Variants in SMCHD1 observed in about 807,000 individuals in gnomAD.
The protein encoded by SMCHD1 is structural maintenance of chromosomes flexible hinge domain containing 1.
SMCHD1 carries 78 observed loss-of-function variants against 254.7 expected under a neutral mutation model. The ratio of observed to expected loss-of-function variants is 0.31; its 90% CI spans 0.26 to 0.37. The LOEUF (loss-of-function observed/expected upper bound fraction) is 0.37, where lower values mean the gene tolerates loss of function less well. SMCHD1 is among the 10% of genes least tolerant of loss of function. The probability of loss-of-function intolerance (pLI) is 1.00; values close to 1 mark genes in which losing one functional copy is unlikely to be tolerated. For synonymous variants in SMCHD1, 766 were observed against 794.9 expected, an observed-to-expected ratio of 0.96 and a Z score of 0.61; for missense variants, 1,840 against 2,408.1, an observed-to-expected ratio of 0.76 and a Z score of 4.94.
chr18:2,696,331 G>T (rs1481741560), intron 8 of SMCHD1, among the ~76,000 whole-genome samples: 3 of 152,174 alleles, frequency 2.0e-5, no homozygotes, highest in Non-Finnish European at 4.4e-5. Context: ...ACAGTGAGTG[G>T]TGGGCCCGAG....
At chr18:2,708,996 C>A (rs560575845) in intron 17 of SMCHD1, among the ~76,000 whole-genome samples, 35 of 143,240 alleles carry the variant, frequency 2.4e-4, no homozygotes, top group African/African-American at 8.0e-4. Flanking sequence ...AGCATTTTTT[C>A]ATCATTTCAA....
chr18:2,710,233 C>T (rs1232003910), intron 17 of SMCHD1, among the ~76,000 whole-genome samples: 1 of 152,218 alleles, frequency 6.6e-6, no homozygotes, highest in East Asian at 1.9e-4. Flanking sequence ...TCTGGGCTCC[C>T]TGTTCCCTAG....
chr18:2,770,411 A>G (rs2075956787), intron 39 of SMCHD1, among the ~76,000 whole-genome samples: 1 of 152,212 alleles, frequency 6.6e-6, no homozygotes, highest in Non-Finnish European at 1.5e-5. Flanking sequence ...AGCTTCTGGC[A>G]AAAGATACTG....
intron 12 of SMCHD1, 106 bp downstream of exon 12, chr18:2,701,024 C>T: frequency 1.2e-6 from 1 of 854,772 alleles, no homozygotes; most frequent in Non-Finnish European, 1.7e-6. Flanking sequence ...CATCAAAAGA[C>T]TATGATGTAT....
chr18:2,662,923 C>G (rs979427141), intron 1 of SMCHD1, among the ~76,000 whole-genome samples: 1 of 152,096 alleles, frequency 6.6e-6, no homozygotes, highest in African/African-American at 2.4e-5. Context: ...TTATGTTTGA[C>G]TTTTTTTCAG....
intron 19 of SMCHD1, among the ~76,000 whole-genome samples, chr18:2,719,618 T>C (rs1055272454): frequency 9.2e-5 from 14 of 151,592 alleles, no homozygotes; most frequent in African/African-American, 2.9e-4. Flanking sequence ...TTGGAGATAG[T>C]GTCTTCCTCT....
At chr18:2,731,960 A>G (rs1458864114) in intron 24 of SMCHD1, among the ~76,000 whole-genome samples, 1 of 152,182 alleles carries the variant, frequency 6.6e-6, no homozygotes, top group African/African-American at 2.4e-5. Context: ...GCAGTGAGCC[A>G]AGATCATGCC....
chr18:2,770,746 A>C (rs1032657174), intron 39 of SMCHD1, among the ~76,000 whole-genome samples: 2 of 151,902 alleles, frequency 1.3e-5, no homozygotes, highest in African/African-American at 4.8e-5. Flanking sequence ...TCAGCCTCCC[A>C]AGTAGCTAGG....
Position 2,743,869 on chromosome 18 carries a change from C to G in SMCHD1, c.3742C>G (p.Gln1248Glu). The G allele has an allele frequency of 6.2e-7, 1 of 1,613,176 alleles. No individual in the cohort carries two copies. The highest frequency in any genetic ancestry group is 8.5e-7 in the Non-Finnish European group (1 of 1,179,530). ...TGAGTTTTCTGACTTTATTCGAGTG[C>G]AACTAATTTCTGGACCTCCTGCTAA... ...WREFSDFIRV[Q>E]LISGPPAKLL... Residue 1248 changes from glutamine to glutamate, a missense_variant, in exon 29 of 48, where the codon CAA (glutamine) becomes GAA (glutamate). This residue lies in a region of SMCHD1 where 881 missense variants were observed against 1,009.5 expected (regional missense o/e 0.87). Coordinates refer to ENST00000320876, the MANE Select transcript of SMCHD1 (RefSeq NM_015295.3).
intron 3 of SMCHD1, among the ~76,000 whole-genome samples, chr18:2,671,126 G>A (rs2073587046): frequency 6.6e-6 from 1 of 151,424 alleles, no homozygotes; most frequent in African/African-American, 2.4e-5. Flanking sequence ...AGTAGAGATG[G>A]GGTTTCTCCA....
intron 42 of SMCHD1, among the ~76,000 whole-genome samples, chr18:2,777,069 C>CG (rs201358006): frequency 6.1e-5 from 9 of 148,556 alleles, no homozygotes; most frequent in South Asian, 4.6e-4. Context: ...ACCTCCCCCC[C>CG]CCATACCCTA....
chr18:2,745,363 A>C (rs1217699800), intron 29 of SMCHD1, among the ~76,000 whole-genome samples: 1 of 152,192 alleles, frequency 6.6e-6, no homozygotes, highest in Admixed American at 6.5e-5. Flanking sequence ...TCATGGTAGT[A>C]GGTGAATTTA....
chr18:2,716,223 A>G (rs1411652343), intron 17 of SMCHD1, among the ~76,000 whole-genome samples: 3 of 152,180 alleles, frequency 2.0e-5, no homozygotes, highest in African/African-American at 7.2e-5. Context: ...GTAGTAATGT[A>G]TCAGGCGGGT....
intron 19 of SMCHD1, among the ~76,000 whole-genome samples, chr18:2,719,851 T>G (rs1002573066): frequency 1.3e-5 from 2 of 152,112 alleles, no homozygotes; most frequent in Non-Finnish European, 2.9e-5. Context: ...AATTTTGTAT[T>G]TTCAGTAGAG....
intron 37 of SMCHD1, among the ~76,000 whole-genome samples, chr18:2,766,415 C>CT (rs1478781864): frequency 2.0e-5 from 3 of 152,240 alleles, no homozygotes; most frequent in Non-Finnish European, 4.4e-5. Flanking sequence ...AATCTCTTCA[C>CT]ATCATGCATG....
chr18:2,800,126 G>C (rs2076333553), intron 47 of SMCHD1, among the ~76,000 whole-genome samples: 1 of 151,940 alleles, frequency 6.6e-6, no homozygotes, highest in Non-Finnish European at 1.5e-5. Context: ...TTTAGCCCCA[G>C]AAACACTTTG....
At chr18:2,747,436 A>T in intron 29 of SMCHD1, 86 bp from the exon 30 acceptor site, 1 of 1,190,532 alleles carries the variant, frequency 8.4e-7, no homozygotes, top group Non-Finnish European at 1.1e-6. Context: ...GAGATAAATT[A>T]AGTGATCGTT....
At chr18:2,667,413 T>A (rs2073470128) in intron 3 of SMCHD1, among the ~76,000 whole-genome samples, 1 of 152,242 alleles carries the variant, frequency 6.6e-6, no homozygotes, top group African/African-American at 2.4e-5. Flanking sequence ...AGTAAGAAGT[T>A]TGTGTTCATA....
chr18:2,792,797 G>T (rs2076189419), intron 45 of SMCHD1, among the ~76,000 whole-genome samples: 1 of 152,138 alleles, frequency 6.6e-6, no homozygotes, highest in Non-Finnish European at 1.5e-5. Flanking sequence ...TAGTGACGAA[G>T]ATTAGTTAAG....
Sources: allele counts gnomAD v4.1 joint callset (sites outside exome capture counted in the v4.1 genomes callset), GRCh38; gene constraint gnomAD v4.1.1; regional missense constraint gnomAD v4.1.1; transcripts MANE v1.5; gene names NCBI Gene and HGNC (gene_info 2026-07-23, HGNC 2026-07-21).